ATP1B3: variants seen among roughly 807,000 people sequenced by gnomAD.
ATP1B3 encodes the protein ATPase Na+/K+ transporting subunit beta 3, also known as sodium/potassium-transporting ATPase subunit beta-3.
A neutral mutation model predicts 30.2 loss-of-function variants in ATP1B3; 10 were observed. That is an observed-to-expected ratio of 0.33 (90% CI 0.20 to 0.56). The LOEUF (loss-of-function observed/expected upper bound fraction) is 0.56. ATP1B3 is among the 20% of genes least tolerant of loss of function. ATP1B3 has a pLI of 0.90. For synonymous variants in ATP1B3, 113 were observed against 117.0 expected (o/e 0.97, Z 0.22); for missense variants, 238 against 336.7 (o/e 0.71, Z 2.29).
intron 5 of ATP1B3, among the ~76,000 whole-genome samples, chr3:141,919,755 A>G (rs1934533893): frequency 1.3e-5 from 2 of 152,130 alleles, no homozygotes; most frequent in South Asian, 2.1e-4. Context: ...CCTGGCTAAC[A>G]TGGTGAAACC....
chr3:141,914,275 A>G (rs1243760266), intron 4 of ATP1B3, among the ~76,000 whole-genome samples: 1 of 152,202 alleles, frequency 6.6e-6, no homozygotes, highest in African/African-American at 2.4e-5. Context: ...GTAGCAAAGC[A>G]TAGTTTTATA....
At chr3:141,918,039 A>T (rs1934500912) in intron 5 of ATP1B3, among the ~76,000 whole-genome samples, 1 of 151,986 alleles carries the variant, frequency 6.6e-6, no homozygotes, top group South Asian at 2.1e-4. Flanking sequence ...AAGTGCTGGG[A>T]TTACAGGCGT....
At chr3:141,909,408 A>G (rs560607740) in intron 3 of ATP1B3, among the ~76,000 whole-genome samples, 2 of 152,234 alleles carry the variant, frequency 1.3e-5, no homozygotes, top group East Asian at 3.8e-4. Flanking sequence ...ATTAGAAGAT[A>G]GTACATCCTG....
intron 2 of ATP1B3, among the ~76,000 whole-genome samples, chr3:141,904,008 TC>T (rs1934216432): frequency 6.6e-6 from 1 of 152,186 alleles, no homozygotes; most frequent in South Asian, 2.1e-4. Context: ...GGTCTCGAAC[TC>T]CCGACCTCAG....
chr3:141,903,946 G>A (rs576852163), intron 2 of ATP1B3, among the ~76,000 whole-genome samples, 198 bp downstream of exon 2: 13 of 152,130 alleles, frequency 8.5e-5, no homozygotes, highest in Admixed American at 2.6e-4. Context: ...CACCACGCCC[G>A]GCTAATTTTG....
At chr3:141,921,904 C>G (rs1348477630) in intron 5 of ATP1B3, 73 bp from the exon 6 acceptor site, 3 of 775,072 alleles carry the variant, frequency 3.9e-6, no homozygotes, top group Non-Finnish European at 6.0e-6. Flanking sequence ...ATTGATATTC[C>G]TTTAATTATA....
chr3:141,916,463 CT>C (rs1321499536), intron 5 of ATP1B3: 28 of 850,722 alleles, frequency 3.3e-5, no homozygotes, highest in Admixed American at 4.7e-5. Context: ...TTTATCTCCC[CT>C]ATCCCTACTT....
At chr3:141,916,695 AGTTGTG>A in intron 5 of ATP1B3, 1 of 791,696 alleles carries the variant, frequency 1.3e-6, no homozygotes, top group Admixed American at 3.4e-5. Context: ...TCACTTTTAA[AGTTGTG>A]AAAAAAAATT....
At position 141,915,930 on chromosome 3, in the gene ATP1B3, T is replaced by C. The variant is rs764986305; in HGVS notation, c.532-40T>C. The C allele has an allele frequency of 5.8e-6, 9 of 1,539,550 alleles. No homozygotes were observed. In the East Asian group the frequency reaches 1.4e-4, roughly 23 times the overall value. On this transcript the variant is annotated intron_variant, in intron 4 of 6. Coordinates refer to ENST00000286371, the MANE Select transcript of ATP1B3 (RefSeq NM_001679.4). ...AGAGGGAGGAAGTTCCATTGCATAC[T>C]TACGTGAAGTTTAAATTTATCACTA...
intron 1 of ATP1B3, among the ~76,000 whole-genome samples, chr3:141,879,090 GTCA>G (rs1933664673): frequency 6.6e-6 from 1 of 152,184 alleles, no homozygotes; most frequent in Non-Finnish European, 1.5e-5. Context: ...GCTGCCAGAT[GTCA>G]TCATACCTCA....
At chr3:141,896,361 A>T (rs574853277) in intron 1 of ATP1B3, among the ~76,000 whole-genome samples, 27 of 152,074 alleles carry the variant, frequency 1.8e-4, no homozygotes, top group Middle Eastern at 3.4e-3. Context: ...TACAAAAAAA[A>T]TTTTTTTTAA....
At chr3:141,903,158 CTTAAAT>C (rs1287268440) in intron 1 of ATP1B3, 2 of 153,618 alleles carry the variant, frequency 1.3e-5, no homozygotes, top group Non-Finnish European at 2.9e-5. Context: ...CTTTTTAAAA[CTTAAAT>C]TTAAGCAAAT....
intron 1 of ATP1B3, among the ~76,000 whole-genome samples, chr3:141,891,971 C>T (rs1933962988): frequency 6.6e-6 from 1 of 151,064 alleles, no homozygotes; most frequent in Admixed American, 6.6e-5. Flanking sequence ...GGGGACAGTG[C>T]TCCAAGTTTG....
chr3:141,877,082 C>G (rs1933614109), intron 1 of ATP1B3, among the ~76,000 whole-genome samples, 172 bp downstream of exon 1: 1 of 151,142 alleles, frequency 6.6e-6, no homozygotes, highest in South Asian at 2.1e-4. Flanking sequence ...GCTCCCCGGG[C>G]CGGCCGGACT....
At chr3:141,896,229 G>A (rs1934062280) in intron 1 of ATP1B3, among the ~76,000 whole-genome samples, 1 of 151,826 alleles carries the variant, frequency 6.6e-6, no homozygotes, top group Non-Finnish European at 1.5e-5. Flanking sequence ...AGTACTTTGG[G>A]AGGCCGAGGC....
chr3:141,878,608 GATTTT>G (rs1307505708), intron 1 of ATP1B3, among the ~76,000 whole-genome samples: 3 of 152,316 alleles, frequency 2.0e-5, no homozygotes, highest in Non-Finnish European at 4.4e-5. Flanking sequence ...CTAGGGTAGA[GATTTT>G]ATTTTATTGA....
rs1934452906 is a variant in ATP1B3 at position 141,915,863 on chromosome 3, T to TAA, written c.532-107_532-106insAA. On this transcript the variant is annotated intron_variant, in intron 4 of 6. Transcript: ENST00000286371. ...AAGTAAAAGGCAGATGTATACAGACTTGGTGTTAATCTCAAAGTCTTCACC... is the reference window on the plus strand; with the variant it reads ...AAGTAAAAGGCAGATGTATACAGACTAATGGTGTTAATCTCAAAGTCTTCACC... 5 of 722,222 alleles carry TAA rather than the reference T, an allele frequency of 6.9e-6. No homozygotes were observed. In the African/African-American group the frequency reaches 8.8e-5, roughly 13 times the overall value. 44.7% of individuals were successfully genotyped at this position (722,222 alleles called of 1,614,324 possible).
chr3:141,919,365 C>T (rs2107779169), intron 5 of ATP1B3, among the ~76,000 whole-genome samples: 1 of 152,034 alleles, frequency 6.6e-6, no homozygotes, highest in African/African-American at 2.4e-5. Flanking sequence ...AATCCACCCA[C>T]CTCCGCCTTT....
chr3:141,904,813 G>C (rs1376314894), intron 2 of ATP1B3, among the ~76,000 whole-genome samples: 1 of 146,654 alleles, frequency 6.8e-6, no homozygotes, highest in African/African-American at 2.5e-5. Context: ...GGGTTCAAGC[G>C]ATTCTCCTGC....
Sources: gnomAD v4.1 joint callset for allele counts (sites outside exome capture counted in the v4.1 genomes callset) on GRCh38, gnomAD v4.1.1 for gene constraint, MANE v1.5 for transcripts, NCBI Gene and HGNC (gene_info 2026-07-23, HGNC 2026-07-21) for gene names.